Variants in LRP1B observed in about 807,000 individuals in gnomAD.
LRP1B encodes the protein low-density lipoprotein receptor-related protein 1B.
Under a neutral mutation model 556.6 loss-of-function variants are expected in LRP1B, and 217 were observed. The ratio of observed to expected loss-of-function variants is 0.39; its 90% CI spans 0.35 to 0.44. The LOEUF is 0.44. Ranked by LOEUF, LRP1B falls within the 20% of genes least tolerant of loss-of-function variation. LRP1B has a pLI of 1.00. For missense variants in LRP1B, 5,053 were observed against 5,620.8 expected (o/e 0.90, Z 3.23); for synonymous variants, 2,047 against 1,865.8 (o/e 1.10, Z -2.50).
intron 2 of LRP1B, among the ~76,000 whole-genome samples, chr2:141,677,966 T>C (rs1009083781): frequency 8.5e-5 from 13 of 152,138 alleles, no homozygotes; most frequent in African/African-American, 2.2e-4. Flanking sequence ...TTGATATTTA[T>C]AGGGACAAGG....
At chr2:141,272,302 T>C (rs1685120880) in intron 3 of LRP1B, among the ~76,000 whole-genome samples, 1 of 151,920 alleles carries the variant, frequency 6.6e-6, no homozygotes, top group Admixed American at 6.6e-5. Flanking sequence ...AGGACAACTA[T>C]TAAGAAAACA....
intron 1 of LRP1B, among the ~76,000 whole-genome samples, chr2:142,000,712 C>G (rs1216369380): frequency 6.6e-6 from 1 of 152,140 alleles, no homozygotes; most frequent in Non-Finnish European, 1.5e-5. Flanking sequence ...TCTCTACACT[C>G]TATATGTATT....
intron 35 of LRP1B, among the ~76,000 whole-genome samples, chr2:140,739,531 T>G (rs940699740): frequency 1.3e-5 from 2 of 152,176 alleles, no homozygotes; most frequent in African/African-American, 4.8e-5. Flanking sequence ...TACATGAGAT[T>G]TTAAAAGTAC....
At chr2:140,314,885 A>G (rs1285998183) in intron 83 of LRP1B, 50 bp downstream of exon 83, 3 of 1,408,162 alleles carry the variant, frequency 2.1e-6, no homozygotes, top group Admixed American at 2.2e-5. Flanking sequence ...CGATTCATAT[A>G]TAAGGAAAAG....
intron 3 of LRP1B, among the ~76,000 whole-genome samples, chr2:141,283,500 A>G (rs1212591360): frequency 6.6e-6 from 1 of 152,100 alleles, no homozygotes. Context: ...AGAAATTACC[A>G]TGAGTAATAA....
chr2:141,869,932 G>A (rs1363399883), intron 1 of LRP1B, among the ~76,000 whole-genome samples: 7 of 152,004 alleles, frequency 4.6e-5, no homozygotes, highest in African/African-American at 1.7e-4. Context: ...GAAAAAATGA[G>A]GAAGAGAAGT....
rs145358333 is a variant in LRP1B at position 140,712,933 on chromosome 2, C to CTGT, written c.6023+3037_6023+3039dup. Among the ~76,000 whole-genome samples, 1,397 of 151,884 alleles carry CTGT rather than the reference C, an allele frequency of 9.2e-3. 22 individuals are homozygous for CTGT. The highest frequency in any genetic ancestry group is 0.032 in the African/African-American group (1,304 of 41,394). On this transcript the variant is annotated intron_variant, in intron 37 of 90. Coordinates refer to ENST00000389484, the MANE Select transcript of LRP1B (RefSeq NM_018557.3). ...AAGCCTCAAATGGCTGTTTTTGTTG[C>CTGT]TGTTGTTGTTGTTGTTCTTTTTTTT...
rs1271206799 is a variant in LRP1B, at chr2:141,238,252, A to C, written c.593-8812T>G. On this transcript the variant is annotated intron_variant, in intron 5 of 90. Coordinates refer to ENST00000389484, the MANE Select transcript of LRP1B (RefSeq NM_018557.3). Reference sequence around the variant, plus strand: ...CCTTTCTAATTGTAGCCAGTGGAAAATACTTTAGCTACAGAAAAATATTTT... The same window carrying C: ...CCTTTCTAATTGTAGCCAGTGGAAACTACTTTAGCTACAGAAAAATATTTT... Among the ~76,000 whole-genome samples the C allele has an allele frequency of 4.6e-5, 7 of 152,242 alleles. No individual in the cohort carries two copies. In the South Asian group the frequency reaches 1.2e-3, roughly 27 times the overall value.
intron 50 of LRP1B, 51 bp downstream of exon 50, chr2:140,516,838 A>G (rs376280141): frequency 8.3e-6 from 13 of 1,561,428 alleles, no homozygotes; most frequent in Non-Finnish European, 1.1e-5. Flanking sequence ...GAATACTAAC[A>G]TATAAGTAAT....
intron 1 of LRP1B, among the ~76,000 whole-genome samples, chr2:142,105,168 C>T (rs1432210964): frequency 4.6e-5 from 7 of 152,088 alleles, no homozygotes; most frequent in Non-Finnish European, 2.9e-5. Flanking sequence ...AAAAGGAGAG[C>T]AAATTATAGG....
chr2:141,236,836 T>C (rs2105308567), intron 5 of LRP1B, among the ~76,000 whole-genome samples: 1 of 152,238 alleles, frequency 6.6e-6, no homozygotes, highest in African/African-American at 2.4e-5. Context: ...GAAGCAGAGG[T>C]CATTGGGAAA....
chr2:140,726,670 T>A, intron 35 of LRP1B, among the ~76,000 whole-genome samples: 1 of 152,334 alleles, frequency 6.6e-6, no homozygotes, highest in Middle Eastern at 3.4e-3. Flanking sequence ...TTTTCTTCTT[T>A]TAAATTATAT....
intron 3 of LRP1B, among the ~76,000 whole-genome samples, chr2:141,288,978 T>C (rs1450511523): frequency 4.6e-5 from 7 of 152,218 alleles, no homozygotes; most frequent in Admixed American, 4.6e-4. Context: ...GTACATGTAC[T>C]TTGGAAATTA....
intron 1 of LRP1B, among the ~76,000 whole-genome samples, chr2:141,998,180 G>T (rs1438025610): frequency 1.3e-5 from 2 of 152,028 alleles, no homozygotes; most frequent in Non-Finnish European, 2.9e-5. Context: ...GGTTAAAAGA[G>T]ACTAAATTTA....
chr2:141,232,065 T>C (rs564906305), intron 5 of LRP1B, among the ~76,000 whole-genome samples: 10 of 152,328 alleles, frequency 6.6e-5, no homozygotes, highest in African/African-American at 1.7e-4. Flanking sequence ...ACCTTGTCAA[T>C]TGACCACATC....
intron 32 of LRP1B, among the ~76,000 whole-genome samples, chr2:140,783,997 T>C (rs1282773911): frequency 6.6e-6 from 1 of 152,184 alleles, no homozygotes; most frequent in Non-Finnish European, 1.5e-5. Context: ...GCCCAACAAT[T>C]TGCATTTATG....
chr2:140,425,578 T>A (rs1685618843), intron 66 of LRP1B, among the ~76,000 whole-genome samples: 1 of 152,124 alleles, frequency 6.6e-6, no homozygotes, highest in Admixed American at 6.5e-5. Flanking sequence ...ACCTGGCTAA[T>A]TTTTGCATTT....
intron 3 of LRP1B, among the ~76,000 whole-genome samples, chr2:141,292,283 G>A (rs755773321): frequency 6.6e-5 from 10 of 152,098 alleles, no homozygotes; most frequent in Non-Finnish European, 1.0e-4. Flanking sequence ...CTGGTCCCAG[G>A]TACCAAAAAT....
At chr2:141,471,281 T>TTTTTTTTTTTTTTTTC (rs1682460031) in intron 3 of LRP1B, among the ~76,000 whole-genome samples, 2 of 81,764 alleles carry the variant, frequency 2.4e-5, no homozygotes, top group African/African-American at 4.9e-5. Context: ...TTTTTTTTTT[T>TTTTTTTTTTTTTTTTC]TTTTTTTTTT....
Sources: allele counts gnomAD v4.1 joint callset (sites outside exome capture counted in the v4.1 genomes callset), GRCh38; gene constraint gnomAD v4.1.1; transcripts MANE v1.5; gene names NCBI Gene and HGNC (gene_info 2026-07-23, HGNC 2026-07-21).